LRP5: variants seen among roughly 807,000 people sequenced by gnomAD.
The protein encoded by LRP5 is low-density lipoprotein receptor-related protein 5.
A neutral mutation model predicts 154.1 loss-of-function variants in LRP5; 62 were observed. The observed-to-expected ratio is 0.40, with a 90% CI of 0.33 to 0.50. LRP5 has a LOEUF of 0.50. LRP5 is among the 20% of genes least tolerant of loss of function. The pLI, the probability that LRP5 is intolerant of heterozygous loss-of-function variation, is 0.55. For missense variants in LRP5, 1,915 were observed against 2,336.7 expected (o/e 0.82, Z 3.72); for synonymous variants, 966 against 1,011.5 (o/e 0.96, Z 0.85).
rs2098646964 is a variant in LRP5 at position 68,392,609 on chromosome 11, C to T, written c.1584+2557C>T. ...TCTGCTACTATCTACTTCTAGAACACTTTCTTCTGCCCTGAAGGAAACCCC... is the reference window on the plus strand; with the variant it reads ...TCTGCTACTATCTACTTCTAGAACATTTTCTTCTGCCCTGAAGGAAACCCC... On this transcript the variant is annotated intron_variant, in intron 7 of 22. Transcript: ENST00000294304. Among the ~76,000 whole-genome samples, 3 of 152,272 alleles carry T rather than the reference C, an allele frequency of 2.0e-5. No homozygotes were observed. In the South Asian group the frequency reaches 6.2e-4, roughly 32 times the overall value.
intron 15 of LRP5, among the ~76,000 whole-genome samples, chr11:68,425,614 C>T (rs987283024): frequency 8.5e-5 from 13 of 152,170 alleles, no homozygotes; most frequent in African/African-American, 3.1e-4. Flanking sequence ...TGTTAGGCTG[C>T]GAGGGCTGGA....
At chr11:68,309,287 T>C (rs1260903181), upstream of LRP5, among the ~76,000 whole-genome samples, 3 of 145,566 alleles carry the variant, frequency 2.1e-5, no homozygotes, top group East Asian at 2.1e-4. Flanking sequence ...AGCTGGAGCA[T>C]AGTGGCTCAA....
chr11:68,434,794 G>A (rs1017665682), intron 18 of LRP5, among the ~76,000 whole-genome samples: 4 of 152,146 alleles, frequency 2.6e-5, no homozygotes, highest in Non-Finnish European at 4.4e-5. Context: ...CAGAGCCACC[G>A]GCTCTGTTAG....
At chr11:68,327,722 G>A (rs2098600520) in intron 1 of LRP5, among the ~76,000 whole-genome samples, 1 of 152,136 alleles carries the variant, frequency 6.6e-6, no homozygotes, top group Non-Finnish European at 1.5e-5. Flanking sequence ...CAGGCGTGGA[G>A]GGTAGGGACC....
chr11:68,336,245 G>A (rs1016840059), intron 1 of LRP5, among the ~76,000 whole-genome samples: 3 of 152,196 alleles, frequency 2.0e-5, no homozygotes, highest in African/African-American at 7.2e-5. Context: ...CTGGAGGACT[G>A]GTGGGGACCT....
intron 4 of LRP5, 124 bp from the exon 5 acceptor site, chr11:68,365,447 C>A: frequency 7.0e-7 from 1 of 1,431,322 alleles, no homozygotes; most frequent in Non-Finnish European, 9.7e-7. Flanking sequence ...CCACTTGAGG[C>A]CGATGTTTGG....
intron 8 of LRP5, among the ~76,000 whole-genome samples, chr11:68,405,065 G>A (rs1370675737): frequency 6.6e-6 from 1 of 151,920 alleles, no homozygotes; most frequent in Non-Finnish European, 1.5e-5. Flanking sequence ...AGGCTGAGGC[G>A]GAGAATTGCT....
chr11:68,312,738 G>C lies in LRP5; in HGVS notation c.24G>C (p.Pro8=). The change falls in exon 1 of 23, where the codon CCG becomes CCC. Residue 8 remains proline, a synonymous_variant. Transcript: ENST00000294304. MEAAPPG[P]PWPLLLLLLL... ...ACATGGAGGCAGCGCCGCCCGGGCC[G>C]CCGTGGCCGCTGCTGCTGCTGCTGC... 1 of 1,061,046 alleles carries C rather than the reference G, an allele frequency of 9.4e-7. No individual in the cohort carries two copies. The highest frequency in any genetic ancestry group is 1.1e-6 in the Non-Finnish European group (1 of 878,328). The allele number at this position is 1,061,046 out of a possible 1,614,324, so 65.7% of individuals were successfully genotyped here.
At chr11:68,373,538 G>A (rs779855929) in intron 5 of LRP5, among the ~76,000 whole-genome samples, 4 of 152,056 alleles carry the variant, frequency 2.6e-5, no homozygotes, top group Admixed American at 6.5e-5. Context: ...TATATCCCAC[G>A]AGCCTCTGCC....
At chr11:68,430,295 T>G (rs2098671191) in intron 17 of LRP5, among the ~76,000 whole-genome samples, 1 of 152,078 alleles carries the variant, frequency 6.6e-6, no homozygotes, top group African/African-American at 2.4e-5. Flanking sequence ...TGCCTCAGCC[T>G]CCTGAGTAGC....
chr11:68,406,237 T>A (rs1322780891), intron 8 of LRP5, among the ~76,000 whole-genome samples: 1 of 152,178 alleles, frequency 6.6e-6, no homozygotes, highest in Non-Finnish European at 1.5e-5. Flanking sequence ...TTGCCAGGTG[T>A]TCTCCCACCA....
intron 1 of LRP5, among the ~76,000 whole-genome samples, chr11:68,345,501 G>A (rs1262006486): frequency 1.3e-5 from 2 of 151,614 alleles, no homozygotes; most frequent in African/African-American, 4.8e-5. Flanking sequence ...TGGCCAGGCT[G>A]GTCTCGAACT....
At chr11:68,416,570 C>A in intron 13 of LRP5, 43 bp downstream of exon 13, 1 of 1,586,506 alleles carries the variant, frequency 6.3e-7, no homozygotes, top group Non-Finnish European at 8.6e-7. Flanking sequence ...CTTCCCAAGG[C>A]GCTCCTCTTG....
intron 19 of LRP5, 114 bp from the exon 20 acceptor site, chr11:68,438,332 C>G (rs1191026964): frequency 4.8e-6 from 5 of 1,036,838 alleles, no homozygotes; most frequent in Non-Finnish European, 7.6e-6. Flanking sequence ...ACTTTCTCCC[C>G]ACCCTCCACC....
chr11:68,424,057 T>C (rs2098667340), intron 14 of LRP5, among the ~76,000 whole-genome samples: 1 of 152,158 alleles, frequency 6.6e-6, no homozygotes, highest in South Asian at 2.1e-4. Flanking sequence ...CACAGGGAGC[T>C]CCTGGGCTTC....
Position 68,356,934 on chromosome 11 carries a change from CTTTTCTTTTT to C in LRP5, c.489-711_489-702del, listed in dbSNP as rs372996981. Among the ~76,000 whole-genome samples, 575 of 149,548 alleles carry C rather than the reference CTTTTCTTTTT, an allele frequency of 3.8e-3. 6 individuals carry two copies. The highest frequency in any genetic ancestry group is 0.013 in the African/African-American group (536 of 40,034). ...CATGGCTTGATAGATCATTTCTTTT[CTTTTCTTTTT>C]TTTTTTTTTGAGATGGAGTCTCGCT... On this transcript the variant is annotated intron_variant, in intron 2 of 22. Transcript: ENST00000294304.
chr11:68,298,531 C>T, the LRP5 span, among the ~76,000 whole-genome samples: 1 of 152,210 alleles, frequency 6.6e-6, no homozygotes, highest in African/African-American at 2.4e-5. Flanking sequence ...GCTTCACCAG[C>T]TGCACCCCAT....
chr11:68,313,936 G>A (rs1035363567), intron 1 of LRP5, among the ~76,000 whole-genome samples: 13 of 152,192 alleles, frequency 8.5e-5, no homozygotes, highest in Non-Finnish European at 1.9e-4. Context: ...GGGGGACAGC[G>A]GGGAACAGGA....
In LRP5 at chr11:68,328,369, A is replaced by AG. The variant is rs58940952; in HGVS notation, c.91+15566dup. Among the ~76,000 whole-genome samples the AG allele has an allele frequency of 1.1e-4, 17 of 152,362 alleles. No homozygotes were observed. The East Asian group carries it at 2.9e-3, about 26-fold the overall frequency. The stretch of plus-strand genomic sequence containing the variant: ...TTAAAGAAAATAAAAGCTGGTACAA[A>AG]GGTATGTTTGTTTCTGAAATGTGTT... On this transcript the variant is annotated intron_variant, in intron 1 of 22. Coordinates refer to ENST00000294304, the MANE Select transcript of LRP5 (RefSeq NM_002335.4).
Sources: gnomAD v4.1 joint callset for allele counts (sites outside exome capture counted in the v4.1 genomes callset) on GRCh38, gnomAD v4.1.1 for gene constraint, MANE v1.5 for transcripts, NCBI Gene and HGNC (gene_info 2026-07-23, HGNC 2026-07-21) for gene names.